Variants in DMD observed in about 807,000 individuals in gnomAD.
DMD encodes the protein mutant dystrophin.
DMD carries 63 observed loss-of-function variants against 330.1 expected under a neutral mutation model. The observed-to-expected ratio is 0.19, with a 90% CI of 0.16 to 0.24. The LOEUF is 0.24. Among genes scored for constraint, DMD ranks in the 10% least tolerant of loss-of-function variants. The pLI, the probability that DMD is intolerant of heterozygous loss-of-function variation, is 1.00. For missense variants in DMD, 3,344 were observed against 2,684.1 expected (o/e 1.25, Z -5.43); for synonymous variants, 1,223 against 959.8 (o/e 1.27, Z -5.07).
In DMD at chrX:32,807,381, G is replaced by A. The variant is rs747790536; in HGVS notation, c.649+2112C>T. The stretch of plus-strand genomic sequence containing the variant: ...CGATAAGATGCTCTTTCAATTGGAA[G>A]AGTCTATATATAGAAAGGCTTTACA... On this transcript the variant is annotated intron_variant, in intron 7 of 78. Coordinates refer to ENST00000357033, the MANE Select transcript of DMD (RefSeq NM_004006.3). Among the ~76,000 whole-genome samples the A allele has an allele frequency of 4.5e-5, 5 of 111,250 alleles. No individual in the cohort carries two copies. In the South Asian group the frequency reaches 1.9e-3, roughly 42 times the overall value.
At chrX:32,183,286 G>A (rs1339068815) in intron 44 of DMD, among the ~76,000 whole-genome samples, 3 of 110,573 alleles carry the variant, frequency 2.7e-5, no homozygotes, top group Non-Finnish European at 5.7e-5. Flanking sequence ...GTTCCCTGGT[G>A]TGATATTTCA....
At chrX:32,601,591 A>C (rs1199459157) in intron 12 of DMD, among the ~76,000 whole-genome samples, 1 of 111,890 alleles carries the variant, frequency 8.9e-6, no homozygotes, top group African/African-American at 3.2e-5. Flanking sequence ...GGAAAAGGAC[A>C]TAGGATGAAA....
chrX:31,483,888 T>C (rs1341286138), intron 57 of DMD, among the ~76,000 whole-genome samples: 1 of 112,183 alleles, frequency 8.9e-6, no homozygotes, highest in Non-Finnish European at 1.9e-5. Context: ...CCTCTTTAAT[T>C]TAGTCACTTA....
intron 2 of DMD, among the ~76,000 whole-genome samples, chrX:32,856,305 C>T (rs1442485798): frequency 9.0e-6 from 1 of 111,678 alleles, no homozygotes; most frequent in African/African-American, 3.3e-5. Flanking sequence ...ATCCTACTGC[C>T]GGGTATATAC....
intron 47 of DMD, among the ~76,000 whole-genome samples, chrX:31,928,959 G>C (rs894592478): frequency 8.9e-6 from 1 of 111,925 alleles, no homozygotes; most frequent in East Asian, 2.8e-4. Flanking sequence ...TGAAAATACA[G>C]TGGGGAAATG....
At chrX:32,149,009 T>C (rs1197412954) in intron 44 of DMD, among the ~76,000 whole-genome samples, 1 of 112,267 alleles carries the variant, frequency 8.9e-6, no homozygotes, top group Non-Finnish European at 1.9e-5. Context: ...ATATGCATTT[T>C]CTTTTATACC....
intron 11 of DMD, among the ~76,000 whole-genome samples, chrX:32,617,424 C>T (rs1332639130): frequency 9.0e-6 from 1 of 111,390 alleles, no homozygotes; most frequent in Non-Finnish European, 1.9e-5. Context: ...TTGCATTCAA[C>T]TGATTTTGGA....
chrX:33,022,407 C>T (rs2093930780), intron 1 of DMD, among the ~76,000 whole-genome samples: 1 of 110,967 alleles, frequency 9.0e-6, no homozygotes, highest in South Asian at 3.7e-4. Context: ...GTGTAAATAA[C>T]ACTAAATGTG....
intron 18 of DMD, among the ~76,000 whole-genome samples, chrX:32,506,264 G>A (rs1464053770): frequency 9.0e-6 from 1 of 110,553 alleles, no homozygotes; most frequent in Non-Finnish European, 1.9e-5. Context: ...GGCAGGCTAT[G>A]TATCTGTGGG....
At chrX:32,726,501 T>TTA (rs1190346641) in intron 7 of DMD, among the ~76,000 whole-genome samples, 1 of 110,960 alleles carries the variant, frequency 9.0e-6, no homozygotes, top group Non-Finnish European at 1.9e-5. Context: ...AATACAGCTA[T>TTA]TATAATAAAA....
At chrX:32,669,599 T>A (rs1429247828) in intron 9 of DMD, among the ~76,000 whole-genome samples, 2 of 111,940 alleles carry the variant, frequency 1.8e-5, no homozygotes. Context: ...GCCCCTGCAA[T>A]GCGATTCTAT....
At chrX:31,829,040 A>T (rs953678367) in intron 49 of DMD, among the ~76,000 whole-genome samples, 19 of 112,286 alleles carry the variant, frequency 1.7e-4, no homozygotes, top group Admixed American at 1.5e-3. Flanking sequence ...ACCATGGAAT[A>T]TTACTCAGCC....
intron 43 of DMD, among the ~76,000 whole-genome samples, chrX:32,236,974 C>A (rs757906149): frequency 3.2e-4 from 36 of 110,883 alleles, no homozygotes; most frequent in African/African-American, 1.1e-3. Context: ...TGACATAAAT[C>A]CTTTATTGTT....
intron 51 of DMD, among the ~76,000 whole-genome samples, chrX:31,747,141 TTA>T (rs1278485696): frequency 9.0e-6 from 1 of 111,507 alleles, no homozygotes; most frequent in African/African-American, 3.3e-5. Flanking sequence ...GGAATTGCTA[TTA>T]TAGAGTGTTA....
intron 63 of DMD, among the ~76,000 whole-genome samples, chrX:31,237,341 C>T (rs2047831466): frequency 8.9e-6 from 1 of 112,187 alleles, no homozygotes; most frequent in Admixed American, 9.4e-5. Flanking sequence ...TTTTTGTATA[C>T]TCTAGCATAA....
chrX:32,249,614 A>T (rs1163694508), intron 43 of DMD, among the ~76,000 whole-genome samples: 1 of 111,577 alleles, frequency 9.0e-6, no homozygotes, highest in Admixed American at 9.6e-5. Context: ...TCAGAGATTG[A>T]TGGAGCCACG....
chrX:33,096,056 C>A lies in DMD; in HGVS notation c.32-75856G>T, dbSNP rs929338468. ...GTGGTGCGATCTCGGCTCACTGCAA[C>A]CTCCGCCTCTTGGGCTCACGCCATT... is the stretch of plus-strand genomic sequence containing the variant. On this transcript the variant is annotated intron_variant, in intron 1 of 78. Transcript: ENST00000357033. Among the ~76,000 whole-genome samples, 302 of 95,174 alleles carry A rather than the reference C, an allele frequency of 3.2e-3. 2 individuals are homozygous for A. Among genetic ancestry groups the A allele is most frequent in the African/African-American group, 0.011 (281 of 25,740 alleles). The allele number at this position is 95,174 out of a possible 115,157, so 82.6% of individuals were successfully genotyped here.
intron 55 of DMD, among the ~76,000 whole-genome samples, chrX:31,517,959 AC>A (rs2072397867): frequency 9.7e-6 from 1 of 103,322 alleles, no homozygotes; most frequent in Non-Finnish European, 2.0e-5. Context: ...ACACACACAC[AC>A]ACACCTTGGG....
chrX:32,553,231 C>T (rs2049783863), intron 16 of DMD, among the ~76,000 whole-genome samples: 1 of 111,788 alleles, frequency 8.9e-6, no homozygotes, highest in Admixed American at 9.5e-5. Context: ...GAATTCTATG[C>T]AGCCATGAAA....
Sources: allele counts gnomAD v4.1 joint callset (sites outside exome capture counted in the v4.1 genomes callset), GRCh38; gene constraint gnomAD v4.1.1; transcripts MANE v1.5; gene names NCBI Gene and HGNC (gene_info 2026-07-23, HGNC 2026-07-21).